The following ZFP41 variants were observed in gnomAD, a reference collection of about 807,000 sequenced individuals.
ZFP41 encodes ZFP41 zinc finger protein.
A neutral mutation model predicts 11.6 loss-of-function variants in ZFP41; 10 were observed. That is an observed-to-expected ratio of 0.86 (90% confidence interval 0.53 to 1.47). The LOEUF (loss-of-function observed/expected upper bound fraction) is 1.47, where lower values mean the gene tolerates loss of function less well. Among genes scored for constraint, ZFP41 ranks in the 40% most tolerant of loss-of-function variants. ZFP41 has a pLI of 0.00. For synonymous variants in ZFP41, 123 were observed against 100.9 expected, an observed-to-expected ratio of 1.22 and a Z score of -1.31; for missense variants, 302 against 264.6, an observed-to-expected ratio of 1.14 and a Z score of -0.98.
rs568816623 is a variant in ZFP41 at position 143,250,955 on chromosome 8, C to A, written c.*515C>A. The A allele has an allele frequency of 6.1e-4, 106 of 173,382 alleles. No individual in the cohort carries two copies. Among genetic ancestry groups the A allele is most frequent in the Non-Finnish European group, 1.2e-3 (86 of 72,174 alleles). The allele number at this position is 173,382 out of a possible 1,614,324, so 10.7% of individuals were successfully genotyped here. A position where few individuals can be genotyped will look rare whatever the true frequency, so the allele number is the denominator to read the frequency against. ...CGAGCTCTGCAGCGAGCCCTGGGACCACTCATCCCTGCCCAGCCAGCTTCA... is the reference window on the plus strand; with the variant it reads ...CGAGCTCTGCAGCGAGCCCTGGGACAACTCATCCCTGCCCAGCCAGCTTCA... On this transcript the variant is annotated 3_prime_UTR_variant, in exon 2 of 3. Coordinates refer to ENST00000330701, the MANE Select transcript of ZFP41 (RefSeq NM_173832.6).
chr8:143,257,357 T>C (rs1244603176), intron 2 of ZFP41, among the ~76,000 whole-genome samples: 1 of 152,066 alleles, frequency 6.6e-6, no homozygotes, highest in African/African-American at 2.4e-5. Context: ...ATTAGCTGGG[T>C]GTGGTGGCGC....
chr8:143,258,438 A>G (rs1814961836), intron 2 of ZFP41, among the ~76,000 whole-genome samples: 1 of 152,184 alleles, frequency 6.6e-6, no homozygotes, highest in African/African-American at 2.4e-5. Context: ...AGAAGGAGCC[A>G]TGTCCTGGAG....
chr8:143,248,607 C>G (rs1464755687), intron 1 of ZFP41: 1 of 152,382 alleles, frequency 6.6e-6, no homozygotes, highest in African/African-American at 2.4e-5. Flanking sequence ...TGGTTCTCAC[C>G]TTTGTTTCCT....
At chr8:143,252,750 C>T (rs933550512) in intron 2 of ZFP41, 40 of 533,776 alleles carry the variant, frequency 7.5e-5, no homozygotes, top group East Asian at 1.5e-4. Context: ...TGGGGCTCCC[C>T]GGGGCTGTGG....
chr8:143,250,292 A>G lies in ZFP41; in HGVS notation c.449A>G (p.Lys150Arg). 6.2e-7 allele frequency: 1 copy of G among 1,614,058 alleles called. No homozygotes were observed. The highest frequency in any genetic ancestry group is 1.1e-5 in the South Asian group (1 of 91,084). The change falls in exon 2 of 3, where the codon AAA becomes AGA. Residue 150 changes from lysine to arginine, a missense_variant. Lys to Arg is a conservative substitution (Grantham distance 26, BLOSUM62 2). Coordinates refer to ENST00000330701, the MANE Select transcript of ZFP41 (RefSeq NM_173832.6). ...EKPFKCGECG[K>R]AFNCGSNLLK... is the part of the protein sequence containing the mutation. ...CCCTTCAAATGCGGGGAGTGCGGGA[A>G]AGCCTTTAACTGCGGCTCCAATCTC...
In ZFP41 at chr8:143,250,665, G is replaced by A. The variant is rs983080985; in HGVS notation, c.*225G>A. The A allele has an allele frequency of 7.1e-5, 49 of 693,506 alleles. No individual in the cohort carries two copies. The African/African-American group carries it at 7.9e-4, about 11-fold the overall frequency. 43.0% of individuals were successfully genotyped at this position (693,506 alleles called of 1,614,324 possible). On this transcript the variant is annotated 3_prime_UTR_variant, in exon 2 of 3. Transcript: ENST00000330701. ...TCTCTGATCAAGACACCGCAGTGAT[G>A]GAGAAGCCACCAGAGGCTCCTTGCA...
In ZFP41 at chr8:143,258,553, GTTAC is replaced by G. The variant is rs148115487; in HGVS notation, c.*901-1217_*901-1214del. Among the ~76,000 whole-genome samples the G allele has an allele frequency of 1.2e-4, 18 of 152,296 alleles. No individual in the cohort carries two copies. The East Asian group carries it at 3.3e-3, about 28-fold the overall frequency. ...GAGGTTCTTCGTTATCCCAGCCACC[GTTAC>G]TTACCCTGACCACTGTAGCAACAAA... On this transcript the variant is annotated intron_variant, in intron 2 of 2. Coordinates refer to ENST00000330701, the MANE Select transcript of ZFP41 (RefSeq NM_173832.6).
rs778544042 is a variant in ZFP41, at chr8:143,250,252, C to T, written c.409C>T (p.His137Tyr). 3 of 1,614,014 alleles carry T rather than the reference C, an allele frequency of 1.9e-6. No homozygotes were observed. In the African/African-American group the frequency reaches 4.0e-5, roughly 22 times the overall value. The change falls in exon 2 of 3, where the codon CAC becomes TAC. Residue 137 changes from histidine to tyrosine, a missense_variant. Physicochemically the swap from His to Tyr is moderately conservative, Grantham distance 83. Coordinates refer to ENST00000330701, the MANE Select transcript of ZFP41 (RefSeq NM_173832.6). ...SSDVTKHQRTHTGEKPFKCGE... is the reference protein window; with the variant it reads ...SSDVTKHQRTYTGEKPFKCGE... ...TGACGTCACCAAACACCAGAGGACTCACACGGGAGAGAAGCCCTTCAAATG... is the reference window on the plus strand; with the variant it reads ...TGACGTCACCAAACACCAGAGGACTTACACGGGAGAGAAGCCCTTCAAATG...
Position 143,249,770 on chromosome 8 carries a change from C to T in ZFP41, c.-74C>T. ...GGAGTGTGGAGAGGTGCGTGGGAAG[C>T]AAGCCATTGAGGAAGTGGGGCCAAC... On this transcript the variant is annotated 5_prime_UTR_variant, in exon 2 of 3. Coordinates refer to ENST00000330701, the MANE Select transcript of ZFP41 (RefSeq NM_173832.6). 5 of 1,507,232 alleles carry T rather than the reference C, an allele frequency of 3.3e-6. No individual in the cohort carries two copies. The South Asian group carries it at 5.6e-5, about 17-fold the overall frequency. The allele number at this position is 1,507,232 out of a possible 1,614,324, so 93.4% of individuals were successfully genotyped here.
chr8:143,250,243 C>A lies in ZFP41; in HGVS notation c.400C>A (p.Gln134Lys), dbSNP rs779994804. The part of the protein sequence containing the change: ...FRHSSDVTKH[Q>K]RTHTGEKPFK... ...GCACAGCTCTGACGTCACCAAACAC[C>A]AGAGGACTCACACGGGAGAGAAGCC... is the stretch of plus-strand genomic sequence containing the variant. The change falls in exon 2 of 3, where the codon CAG becomes AAG. Residue 134 changes from glutamine to lysine, a missense_variant. Gln to Lys is a moderately conservative substitution (Grantham distance 53). Transcript: ENST00000330701. 4 of 1,614,092 alleles carry A rather than the reference C, an allele frequency of 2.5e-6. No individual in the cohort carries two copies. Among genetic ancestry groups the A allele is most frequent in the Non-Finnish European group, 3.4e-6 (4 of 1,180,032 alleles).
Position 143,250,483 on chromosome 8 carries a change from G to C in ZFP41, c.*43G>C, listed in dbSNP as rs763878608. The C allele has an allele frequency of 2.5e-6, 4 of 1,580,784 alleles. No homozygotes were observed. Among genetic ancestry groups the C allele is most frequent in the Non-Finnish European group, 1.7e-6 (2 of 1,162,750 alleles). ...ACTCGGGCCCTGCGGTGCGAGCCTC[G>C]CCGGACACCTGCTCCGTGGCTCCCT... On this transcript the variant is annotated 3_prime_UTR_variant, in exon 2 of 3. Transcript: ENST00000330701.
rs1282167339 is a variant in ZFP41 at position 143,250,890 on chromosome 8, G to A, written c.*450G>A. On this transcript the variant is annotated 3_prime_UTR_variant, in exon 2 of 3. Coordinates refer to ENST00000330701, the MANE Select transcript of ZFP41 (RefSeq NM_173832.6). ...ACTCTGCTTAAGCCTTTCATCTGCC[G>A]CTGAAGGCCCCAGTCTGGACTCTCT... The A allele has an allele frequency of 1.6e-5, 3 of 190,810 alleles. No homozygotes were observed. Among genetic ancestry groups the A allele is most frequent in the Admixed American group, 5.4e-5 (1 of 18,648 alleles). 11.8% of individuals were successfully genotyped at this position (190,810 alleles called of 1,614,324 possible).
At chr8:143,254,539 C>T (rs1586714385) in intron 2 of ZFP41, among the ~76,000 whole-genome samples, 1 of 152,116 alleles carries the variant, frequency 6.6e-6, no homozygotes, top group East Asian at 1.9e-4. Flanking sequence ...GAGACGGGCA[C>T]GCATTCCCTG....
In ZFP41 at chr8:143,250,102, T is replaced by G; in HGVS notation, c.259T>G (p.Tyr87Asp). Residue 87 changes from tyrosine (Y) to aspartate (D), a missense_variant, in exon 2 of 3, where the codon TAT (tyrosine) becomes GAT (aspartate). Physicochemically the swap from Tyr to Asp is radical, Grantham distance 160. Coordinates refer to ENST00000330701, the MANE Select transcript of ZFP41 (RefSeq NM_173832.6). Reference sequence around the variant, plus strand: ...CATTCCTTTTCAGAGGAAGAAACCCTATGAGTGCAGTGAGTGTGGGCGGAT... The same window carrying G: ...CATTCCTTTTCAGAGGAAGAAACCCGATGAGTGCAGTGAGTGTGGGCGGAT... The part of the protein sequence containing the change: ...VFIPFQRKKP[Y>D]ECSECGRIFK... 1 of 1,614,152 alleles carries G rather than the reference T, an allele frequency of 6.2e-7. No homozygotes were observed.
At chr8:143,255,196 G>A in intron 2 of ZFP41, among the ~76,000 whole-genome samples, 1 of 152,314 alleles carries the variant, frequency 6.6e-6, no homozygotes, top group South Asian at 2.1e-4. Context: ...TGGGTCAAGA[G>A]CATAGCTCTC....
chr8:143,253,398 C>T (rs1423413497), intron 2 of ZFP41: 1 of 152,232 alleles, frequency 6.6e-6, no homozygotes, highest in Non-Finnish European at 1.5e-5. Context: ...AGGAAATATT[C>T]TTGGCACTGC....
chr8:143,255,330 G>A (rs1011995089), intron 2 of ZFP41, among the ~76,000 whole-genome samples: 10 of 152,222 alleles, frequency 6.6e-5, no homozygotes, highest in African/African-American at 1.9e-4. Flanking sequence ...AACAAGAACC[G>A]TAATACGTGA....
chr8:143,258,143 G>C (rs185500688), intron 2 of ZFP41, among the ~76,000 whole-genome samples: 2 of 152,156 alleles, frequency 1.3e-5, no homozygotes, highest in African/African-American at 4.8e-5. Flanking sequence ...CTGGGCAACA[G>C]AGTGAGATTT....
chr8:143,259,863 C>A lies in ZFP41; in HGVS notation c.*989C>A, dbSNP rs1490185368. 6.6e-6 allele frequency: 1 copy of A among 152,330 alleles called. No individual in the cohort carries two copies. Among genetic ancestry groups the A allele is most frequent in the African/African-American group, 2.4e-5 (1 of 41,464 alleles). 9.4% of individuals were successfully genotyped at this position (152,330 alleles called of 1,614,324 possible). A position where few individuals can be genotyped will look rare whatever the true frequency, so the allele number is the denominator to read the frequency against. ...TCAAAACTAACAAAAAAGATTCGCA[C>A]ATTCCTCAGTTAGAGGAGGAGCAGA... On this transcript the variant is annotated 3_prime_UTR_variant, in exon 3 of 3. Coordinates refer to ENST00000330701, the MANE Select transcript of ZFP41 (RefSeq NM_173832.6).
Sources: gnomAD v4.1 joint callset for allele counts (sites outside exome capture counted in the v4.1 genomes callset) on GRCh38, gnomAD v4.1.1 for gene constraint, MANE v1.5 for transcripts, NCBI Gene and HGNC (gene_info 2026-07-23, HGNC 2026-07-21) for gene names.